Variants in ADORA2B observed in about 807,000 individuals in gnomAD.
The protein encoded by ADORA2B is adenosine A2b receptor.
ADORA2B carries 18 observed loss-of-function variants against 20.8 expected under a neutral mutation model. The observed-to-expected ratio is 0.87, with a 90% CI of 0.60 to 1.29. The LOEUF (loss-of-function observed/expected upper bound fraction) is 1.29, where lower values mean the gene tolerates loss of function less well. Ranked by LOEUF, ADORA2B falls within the 50% of genes most tolerant of loss-of-function variation. ADORA2B has a pLI of 0.00. For synonymous variants in ADORA2B, 179 were observed against 178.3 expected (o/e 1.00, Z -0.03); for missense variants, 441 against 422.7 (o/e 1.04, Z -0.38).
chr17:15,966,769 A>C (rs1312239477), intron 1 of ADORA2B, among the ~76,000 whole-genome samples: 1 of 152,254 alleles, frequency 6.6e-6, no homozygotes, highest in East Asian at 1.9e-4. Context: ...GTGGGCCTGC[A>C]AAGGCTGGGA....
At chr17:15,899,162 G>A in the ADORA2B span, among the ~76,000 whole-genome samples, 17 of 152,064 alleles carry the variant, frequency 1.1e-4, 1 homozygote, top group East Asian at 5.8e-4. Flanking sequence ...CCTGGGAGGC[G>A]GAGGTTGCAG....
chr17:15,925,969 T>TA, the ADORA2B span, among the ~76,000 whole-genome samples: 75 of 148,006 alleles, frequency 5.1e-4, no homozygotes, highest in Middle Eastern at 3.4e-3. Flanking sequence ...GACTCCGTCT[T>TA]AAAAAAAAAA....
At chr17:15,908,124 A>T in the ADORA2B span, among the ~76,000 whole-genome samples, 1 of 151,916 alleles carries the variant, frequency 6.6e-6, no homozygotes, top group Non-Finnish European at 1.5e-5. Flanking sequence ...GTCCACCCAG[A>T]GCACCCAGGC....
chr17:15,861,066 C>T, the ADORA2B span: 1 of 152,202 alleles, frequency 6.6e-6, no homozygotes, highest in Non-Finnish European at 1.5e-5. Context: ...TTTGATTGTT[C>T]CTTCTGTTTT....
At chr17:15,905,975 A>G in the ADORA2B span, among the ~76,000 whole-genome samples, 1 of 152,218 alleles carries the variant, frequency 6.6e-6, no homozygotes, top group Non-Finnish European at 1.5e-5. Context: ...TTGTATACCG[A>G]CTTTGTATTC....
chr17:15,904,481 G>A, the ADORA2B span, among the ~76,000 whole-genome samples: 8 of 146,914 alleles, frequency 5.4e-5, no homozygotes, highest in African/African-American at 2.0e-4. Flanking sequence ...TCCACCTCCC[G>A]GGTTCATGCC....
the ADORA2B span, among the ~76,000 whole-genome samples, chr17:15,912,527 T>C: frequency 6.6e-6 from 1 of 152,152 alleles, no homozygotes; most frequent in Non-Finnish European, 1.5e-5. Context: ...CAGGCTCGGA[T>C]AAGGGATCAT....
intron 1 of ADORA2B, among the ~76,000 whole-genome samples, chr17:15,955,811 C>G (rs557281072): frequency 1.3e-5 from 2 of 151,852 alleles, no homozygotes; most frequent in African/African-American, 4.8e-5. Flanking sequence ...TTTCACCTCC[C>G]GGGTTCAAGT....
At chr17:15,941,090 G>T (rs1166118231), upstream of ADORA2B, among the ~76,000 whole-genome samples, 2 of 152,174 alleles carry the variant, frequency 1.3e-5, no homozygotes, top group East Asian at 3.8e-4. Context: ...TCTGGAAGAG[G>T]TCCACGGAGG....
intron 1 of ADORA2B, among the ~76,000 whole-genome samples, chr17:15,949,200 C>T (rs1459963757): frequency 7.0e-6 from 1 of 143,440 alleles, no homozygotes; most frequent in African/African-American, 2.6e-5. Context: ...AAGAGCAAAA[C>T]TCTGCCTCAA....
At chr17:15,914,790 A>G in the ADORA2B span, among the ~76,000 whole-genome samples, 1 of 152,232 alleles carries the variant, frequency 6.6e-6, no homozygotes, top group Non-Finnish European at 1.5e-5. Flanking sequence ...GCCATTTGAG[A>G]GGATTTTTAG....
At chr17:15,937,139 A>T in the ADORA2B span, among the ~76,000 whole-genome samples, 2 of 152,210 alleles carry the variant, frequency 1.3e-5, no homozygotes, top group Non-Finnish European at 2.9e-5. Flanking sequence ...AACATTTAAA[A>T]TAATACAATG....
chr17:15,885,909 A>C, the ADORA2B span, among the ~76,000 whole-genome samples: 1,504 of 152,266 alleles, frequency 9.9e-3, 23 homozygotes, highest in African/African-American at 0.034. Context: ...AGCTGGTCAC[A>C]GTTTGGGTTG....
At chr17:15,957,757 C>G (rs561532997) in intron 1 of ADORA2B, among the ~76,000 whole-genome samples, 1 of 152,234 alleles carries the variant, frequency 6.6e-6, no homozygotes, top group Non-Finnish European at 1.5e-5. Flanking sequence ...CAGCCTCTTC[C>G]CTTCCCCATT....
the ADORA2B span, among the ~76,000 whole-genome samples, chr17:15,887,811 T>C: frequency 8.4e-6 from 1 of 118,370 alleles, no homozygotes; most frequent in Admixed American, 8.4e-5. Flanking sequence ...ATTAGCCAGG[T>C]TTGGTGGCGG....
At chr17:15,878,923 G>T in the ADORA2B span, among the ~76,000 whole-genome samples, 23 of 152,034 alleles carry the variant, frequency 1.5e-4, no homozygotes, top group African/African-American at 5.3e-4. Context: ...CATATCTGGG[G>T]GCAAAATTCC....
the ADORA2B span, among the ~76,000 whole-genome samples, chr17:15,907,226 T>A: frequency 1.0e-2 from 1,511 of 151,706 alleles, 23 homozygotes; most frequent in African/African-American, 0.035. Flanking sequence ...TTTTTTTTTT[T>A]AATTGTTCTA....
chr17:15,931,653 T>C, the ADORA2B span, among the ~76,000 whole-genome samples: 2 of 152,216 alleles, frequency 1.3e-5, no homozygotes, highest in Non-Finnish European at 2.9e-5. Flanking sequence ...AGTTACAAGC[T>C]ATGTGACTTG....
chr17:15,888,343 A>T, the ADORA2B span, among the ~76,000 whole-genome samples: 1 of 129,104 alleles, frequency 7.7e-6, no homozygotes, highest in Non-Finnish European at 1.6e-5. Flanking sequence ...TGGGGTCGCC[A>T]TCTCTCTCCA....
Sources: allele counts gnomAD v4.1 joint callset (sites outside exome capture counted in the v4.1 genomes callset), GRCh38; gene constraint gnomAD v4.1.1; transcripts MANE v1.5; gene names NCBI Gene and HGNC (gene_info 2026-07-23, HGNC 2026-07-21).